GYG1: variants seen among roughly 807,000 people sequenced by gnomAD.
The protein encoded by GYG1 is glycogenin 1, also known as glycogenin-1.
GYG1 carries 44 observed loss-of-function variants against 41.9 expected under a neutral mutation model. That is an observed-to-expected ratio of 1.05 (90% CI 0.83 to 1.35). The LOEUF (loss-of-function observed/expected upper bound fraction) is 1.35. GYG1 is among the 40% of genes most tolerant of loss of function. The pLI, the probability that GYG1 is intolerant of heterozygous loss-of-function variation, is 0.00. For missense variants in GYG1, 429 were observed against 418.9 expected (o/e 1.02, Z -0.21); for synonymous variants, 141 against 158.1 (o/e 0.89, Z 0.81).
chr3:148,993,998 C>G, intron 1 of GYG1, 144 bp from the exon 2 acceptor site: 1 of 756,262 alleles, frequency 1.3e-6, no homozygotes, highest in Non-Finnish European at 2.3e-6. Context: ...GGTTTTCTCC[C>G]CAAAGGGCTA....
intron 5 of GYG1, among the ~76,000 whole-genome samples, chr3:149,022,808 G>T (rs1044607561): frequency 6.6e-6 from 1 of 151,946 alleles, no homozygotes; most frequent in African/African-American, 2.4e-5. Context: ...TTGACTTTAT[G>T]TAAGTGGAAT....
chr3:149,014,541 C>T (rs1713912266), intron 5 of GYG1, among the ~76,000 whole-genome samples: 1 of 151,636 alleles, frequency 6.6e-6, no homozygotes, highest in Non-Finnish European at 1.5e-5. Context: ...CCCAAGAAGA[C>T]ATAACTTCTT....
At chr3:148,992,979 TG>T (rs1173252360) in intron 1 of GYG1, among the ~76,000 whole-genome samples, 2 of 151,600 alleles carry the variant, frequency 1.3e-5, no homozygotes, top group Admixed American at 6.6e-5. Flanking sequence ...GCCTCCACCT[TG>T]GAAAACGGGC....
chr3:149,017,099 T>C (rs1485820688), intron 5 of GYG1, among the ~76,000 whole-genome samples: 1 of 152,260 alleles, frequency 6.6e-6, no homozygotes, highest in African/African-American at 2.4e-5. Context: ...TAAACAGTTC[T>C]GTAGTCTCAT....
rs114458328 is a variant in GYG1, at chr3:149,007,810, A to G, written c.482-1466A>G. On this transcript the variant is annotated intron_variant, in intron 4 of 7. Coordinates refer to ENST00000345003, the MANE Select transcript of GYG1 (RefSeq NM_004130.4). ...GCCATCCCCATACACACTCGCACAT[A>G]TGCACTCATGCACATGCACACACAT... Among the ~76,000 whole-genome samples, 223 of 152,208 alleles carry G rather than the reference A, an allele frequency of 1.5e-3. 2 individuals are homozygous for G. Among genetic ancestry groups the G allele is most frequent in the African/African-American group, 5.1e-3 (212 of 41,542 alleles).
rs941294281 is a variant in GYG1, at chr3:149,030,616, A to C, written c.*3683A>C. The C allele has an allele frequency of 6.6e-6, 1 of 152,170 alleles. No individual in the cohort carries two copies. The highest frequency in any genetic ancestry group is 1.5e-5 in the Non-Finnish European group (1 of 68,028). The allele number at this position is 152,170 out of a possible 1,614,324, so 9.4% of individuals were successfully genotyped here. A position where few individuals can be genotyped will look rare whatever the true frequency, so the allele number is the denominator to read the frequency against. On this transcript the variant is annotated 3_prime_UTR_variant, in exon 8 of 8. Coordinates refer to ENST00000345003, the MANE Select transcript of GYG1 (RefSeq NM_004130.4). ...TATATGGAGAACCCATACTCTGATCAACTTGATTTTTTGTGTGTAATGCTT... is the reference window on the plus strand; with the variant it reads ...TATATGGAGAACCCATACTCTGATCCACTTGATTTTTTGTGTGTAATGCTT...
chr3:149,003,314 C>T (rs1713206997), intron 4 of GYG1, among the ~76,000 whole-genome samples: 1 of 151,882 alleles, frequency 6.6e-6, no homozygotes, highest in Admixed American at 6.6e-5. Flanking sequence ...TGGGGTTTCA[C>T]CATGTTGGCC....
At position 148,994,218 on chromosome 3, in the gene GYG1, GCA is replaced by G. The variant is rs1712658958; in HGVS notation, c.87_88del (p.His29GlnfsTer27). ...ALVLGSSLKQ[H>X]RTTRRLVVLA... ...TGGTCCTGGGATCATCTCTGAAACAGCACAGGACCACCAGGAGGCTGGTCGTG... is the reference window on the plus strand; with the variant it reads ...TGGTCCTGGGATCATCTCTGAAACAGCAGGACCACCAGGAGGCTGGTCGTG... On this transcript the variant is annotated frameshift_variant, in exon 2 of 8. Transcript: ENST00000345003. LOFTEE classifies it high-confidence loss of function. The G allele has an allele frequency of 6.2e-7, 1 of 1,613,668 alleles. No individual in the cohort carries two copies. Among genetic ancestry groups the G allele is most frequent in the Non-Finnish European group, 8.5e-7 (1 of 1,179,836 alleles).
At chr3:148,997,347 TTC>T (rs1712861204) in intron 4 of GYG1, among the ~76,000 whole-genome samples, 1 of 151,978 alleles carries the variant, frequency 6.6e-6, no homozygotes, top group South Asian at 2.1e-4. Context: ...TTGGGTCTCA[TTC>T]TCTCAGGCGG....
intron 5 of GYG1, among the ~76,000 whole-genome samples, chr3:149,018,751 G>A (rs1261749560): frequency 6.6e-6 from 1 of 152,088 alleles, no homozygotes; most frequent in Non-Finnish European, 1.5e-5. Context: ...TAGATAGTAG[G>A]TGTGTAACAG....
intron 5 of GYG1, 61 bp downstream of exon 5, chr3:149,009,463 A>G (rs1199716532): frequency 1.9e-5 from 28 of 1,506,538 alleles, no homozygotes; most frequent in East Asian, 4.5e-5. Context: ...GGGGTGTACA[A>G]TTTTGGGGCT....
chr3:149,007,228 A>G (rs569832156), intron 4 of GYG1, among the ~76,000 whole-genome samples: 1 of 152,364 alleles, frequency 6.6e-6, no homozygotes, highest in African/African-American at 2.4e-5. Flanking sequence ...CAGAGCCCTC[A>G]TGACCTAATC....
rs528717780 is a variant in GYG1, at chr3:149,029,617, A to C, written c.*2684A>C. Among the ~76,000 whole-genome samples the C allele has an allele frequency of 4.6e-5, 7 of 152,354 alleles. No homozygotes were observed. Among genetic ancestry groups the C allele is most frequent in the African/African-American group, 1.7e-4 (7 of 41,586 alleles). Reference sequence around the variant, plus strand: ...AAATGTGCCCTTATATTTTTAATGAATCTCATCCAAATGCTAATGCATAAA... The same window carrying C: ...AAATGTGCCCTTATATTTTTAATGACTCTCATCCAAATGCTAATGCATAAA... On this transcript the variant is annotated 3_prime_UTR_variant, in exon 8 of 8. Coordinates refer to ENST00000345003, the MANE Select transcript of GYG1 (RefSeq NM_004130.4).
chr3:149,028,792 C>G lies in GYG1; in HGVS notation c.*1859C>G, dbSNP rs979290420. 4.7e-5 allele frequency among the ~76,000 whole-genome samples: 7 copies of G among 149,708 alleles called. No homozygotes were observed. Among genetic ancestry groups the G allele is most frequent in the Non-Finnish European group, 8.8e-5 (6 of 67,818 alleles). ...CTGGAGTGCAGTGGTGCAGTCTCGG[C>G]TCACTGCAACCTCTGCCTCCTGGAT... On this transcript the variant is annotated 3_prime_UTR_variant, in exon 8 of 8. Transcript: ENST00000345003.
At chr3:149,012,155 A>T (rs1713769429) in intron 5 of GYG1, among the ~76,000 whole-genome samples, 1 of 152,152 alleles carries the variant, frequency 6.6e-6, no homozygotes, top group Admixed American at 6.5e-5. Context: ...TTTTATTATA[A>T]GGTAATATAA....
At chr3:149,018,654 T>C (rs1454776725) in intron 5 of GYG1, among the ~76,000 whole-genome samples, 1 of 152,144 alleles carries the variant, frequency 6.6e-6, no homozygotes, top group Admixed American at 6.6e-5. Flanking sequence ...AAACCTTCCG[T>C]GTTCAGTGAC....
chr3:148,996,956 G>A, intron 4 of GYG1, 52 bp downstream of exon 4: 1 of 1,328,782 alleles, frequency 7.5e-7, no homozygotes, highest in Non-Finnish European at 1.1e-6. Flanking sequence ...TAATTTCTAG[G>A]GGCTGCTCTT....
Position 148,996,693 on chromosome 3 carries a change from A to T in GYG1, c.319-49A>T, listed in dbSNP as rs376125217. ...GACATAGGAAGAACTCAAGAAGGGT[A>T]TTCTGCAGCAAAAACATTTCTGTAA... is the stretch of plus-strand genomic sequence containing the variant. On this transcript the variant is annotated intron_variant, in intron 3 of 7. Coordinates refer to ENST00000345003, the MANE Select transcript of GYG1 (RefSeq NM_004130.4). 115 of 1,541,718 alleles carry T rather than the reference A, an allele frequency of 7.5e-5. 1 individual carries two copies. The highest frequency in any genetic ancestry group is 1.0e-4 in the Non-Finnish European group (111 of 1,114,346).
At chr3:149,023,837 A>G (rs572547039) in intron 5 of GYG1, among the ~76,000 whole-genome samples, 168 of 152,082 alleles carry the variant, frequency 1.1e-3, no homozygotes, top group African/African-American at 3.7e-3. Context: ...AATATTAAAC[A>G]TTAGCTAGGC....
Sources: gnomAD v4.1 joint callset for allele counts (sites outside exome capture counted in the v4.1 genomes callset) on GRCh38, gnomAD v4.1.1 for gene constraint, MANE v1.5 for transcripts, NCBI Gene and HGNC (gene_info 2026-07-23, HGNC 2026-07-21) for gene names.